NCMAP: variants seen among roughly 807,000 people sequenced by gnomAD.
NCMAP encodes the protein non-compact myelin associated protein, also known as noncompact myelin-associated protein.
A neutral mutation model predicts 7.8 loss-of-function variants in NCMAP; 8 were observed. That is an observed-to-expected ratio of 1.02 (90% CI 0.60 to 1.84). The LOEUF is 1.84. Ranked by LOEUF, NCMAP falls within the 40% of genes most tolerant of loss-of-function variation. NCMAP has a pLI of 0.00. For synonymous variants in NCMAP, 41 were observed against 52.9 expected, an observed-to-expected ratio of 0.78 and a Z score of 0.98; for missense variants, 112 against 131.4, an observed-to-expected ratio of 0.85 and a Z score of 0.72.
intron 1 of NCMAP, among the ~76,000 whole-genome samples, chr1:24,559,773 C>T (rs572833182): frequency 9.2e-5 from 14 of 152,272 alleles, no homozygotes; most frequent in Non-Finnish European, 1.2e-4. Flanking sequence ...ATGAGCAGGG[C>T]GTTAAGCCCT....
At chr1:24,565,039 G>A (rs533499606) in intron 1 of NCMAP, among the ~76,000 whole-genome samples, 13 of 152,098 alleles carry the variant, frequency 8.5e-5, no homozygotes, top group African/African-American at 2.7e-4. Flanking sequence ...AATAAATAAT[G>A]AAAGAAATGT....
chr1:24,559,944 G>A (rs1323038575), intron 1 of NCMAP, among the ~76,000 whole-genome samples: 1 of 152,046 alleles, frequency 6.6e-6, no homozygotes, highest in East Asian at 1.9e-4. Context: ...GGTGGATCAC[G>A]AAGTCAGGAG....
At chr1:24,604,323 C>T (rs1652608715) in intron 3 of NCMAP, among the ~76,000 whole-genome samples, 1 of 151,656 alleles carries the variant, frequency 6.6e-6, no homozygotes, top group Admixed American at 6.6e-5. Context: ...GCCTATAATC[C>T]CGGCACCCCA....
intron 2 of NCMAP, among the ~76,000 whole-genome samples, 191 bp from the exon 3 acceptor site, chr1:24,600,749 C>CGCAG (rs1381798124): frequency 6.6e-6 from 1 of 152,158 alleles, no homozygotes; most frequent in African/African-American, 2.4e-5. Context: ...GTCCTTCAAG[C>CGCAG]GCAGCTCGGG....
chr1:24,588,851 T>C (rs1282015757), intron 1 of NCMAP, among the ~76,000 whole-genome samples: 1 of 152,174 alleles, frequency 6.6e-6, no homozygotes, highest in Non-Finnish European at 1.5e-5. Context: ...GCAAGGGCCC[T>C]CGTCTGTCTG....
intron 1 of NCMAP, among the ~76,000 whole-genome samples, chr1:24,556,820 G>A (rs995652979): frequency 5.3e-5 from 8 of 152,136 alleles, no homozygotes; most frequent in Non-Finnish European, 1.0e-4. Flanking sequence ...CAGCCCTTGA[G>A]TCTGGGAGAA....
At chr1:24,584,845 TA>T (rs1651833760) in intron 1 of NCMAP, among the ~76,000 whole-genome samples, 1 of 151,940 alleles carries the variant, frequency 6.6e-6, no homozygotes, top group Admixed American at 6.6e-5. Flanking sequence ...TTCTTTGGTT[TA>T]AAACAGACCC....
chr1:24,560,913 A>G (rs1013373023), intron 1 of NCMAP, among the ~76,000 whole-genome samples: 1 of 152,136 alleles, frequency 6.6e-6, no homozygotes, highest in Non-Finnish European at 1.5e-5. Context: ...AGAATGCTAT[A>G]CAAGCCCTGG....
At chr1:24,569,489 C>A (rs1406181384) in intron 1 of NCMAP, among the ~76,000 whole-genome samples, 1 of 150,506 alleles carries the variant, frequency 6.6e-6, no homozygotes, top group Non-Finnish European at 1.5e-5. Context: ...TCCCTTCCCA[C>A]CTCATAAAGT....
At chr1:24,566,253 A>G (rs1284548767) in intron 1 of NCMAP, among the ~76,000 whole-genome samples, 3 of 152,140 alleles carry the variant, frequency 2.0e-5, no homozygotes, top group African/African-American at 2.4e-5. Flanking sequence ...AAATGCTGGG[A>G]TGACAGGTAT....
chr1:24,570,372 A>G (rs1363590741), intron 1 of NCMAP, among the ~76,000 whole-genome samples: 1 of 150,820 alleles, frequency 6.6e-6, no homozygotes, highest in Non-Finnish European at 1.5e-5. Flanking sequence ...GCTTGCACCT[A>G]TAGTTCCAGC....
chr1:24,586,585 A>G (rs1333564998), intron 1 of NCMAP, among the ~76,000 whole-genome samples: 1 of 152,100 alleles, frequency 6.6e-6, no homozygotes, highest in African/African-American at 2.4e-5. Context: ...AGATGGTGAA[A>G]CCCAGTCTCC....
At chr1:24,560,570 C>G (rs774527895) in intron 1 of NCMAP, among the ~76,000 whole-genome samples, 4 of 152,098 alleles carry the variant, frequency 2.6e-5, no homozygotes, top group Non-Finnish European at 5.9e-5. Flanking sequence ...CATAGGGAGA[C>G]CCTGTCTCTA....
chr1:24,588,912 G>A (rs1290916603), intron 1 of NCMAP, among the ~76,000 whole-genome samples: 3 of 152,148 alleles, frequency 2.0e-5, no homozygotes, highest in Non-Finnish European at 4.4e-5. Context: ...CATTGATTTG[G>A]GCCCTGGATG....
chr1:24,589,875 C>T (rs539899337), intron 1 of NCMAP, among the ~76,000 whole-genome samples: 5 of 152,046 alleles, frequency 3.3e-5, no homozygotes, highest in East Asian at 3.9e-4. Context: ...CAGGCTGGAG[C>T]GCAATGGTGA....
intron 1 of NCMAP, among the ~76,000 whole-genome samples, chr1:24,566,257 C>A (rs963021650): frequency 6.6e-6 from 1 of 152,172 alleles, no homozygotes; most frequent in Admixed American, 6.5e-5. Context: ...GCTGGGATGA[C>A]AGGTATGAGC....
intron 1 of NCMAP, among the ~76,000 whole-genome samples, chr1:24,583,600 T>G (rs1489267534): frequency 1.3e-5 from 2 of 151,378 alleles, no homozygotes; most frequent in African/African-American, 4.9e-5. Flanking sequence ...TCTGTAATCC[T>G]AGCTACTCAG....
intron 1 of NCMAP, among the ~76,000 whole-genome samples, chr1:24,569,062 G>A (rs1435562737): frequency 6.6e-6 from 1 of 151,568 alleles, no homozygotes. Context: ...GCCCAATGGT[G>A]CGATCTCAGC....
intron 1 of NCMAP, among the ~76,000 whole-genome samples, chr1:24,575,372 T>G (rs12138020): frequency 0.51 from 76,965 of 151,910 alleles, 19,890 homozygotes; most frequent in Middle Eastern, 0.59. Context: ...GAAGTCATAA[T>G]GCACCCGACT....
Sources: allele counts gnomAD v4.1 joint callset (sites outside exome capture counted in the v4.1 genomes callset), GRCh38; gene constraint gnomAD v4.1.1; transcripts MANE v1.5; gene names NCBI Gene and HGNC (gene_info 2026-07-23, HGNC 2026-07-21).